ARFGEF2: variants seen among roughly 807,000 people sequenced by gnomAD.
ARFGEF2 encodes the protein brefeldin A-inhibited guanine nucleotide-exchange protein 2.
In ARFGEF2, 74 loss-of-function variants were observed where a neutral mutation model predicts 219.9. The observed-to-expected ratio is 0.34, with a 90% confidence interval of 0.28 to 0.41. The LOEUF is 0.41. Among genes scored for constraint, ARFGEF2 ranks in the 10% least tolerant of loss-of-function variants. The pLI, the probability that ARFGEF2 is intolerant of heterozygous loss-of-function variation, is 1.00. For synonymous variants in ARFGEF2, 733 were observed against 799.2 expected (o/e 0.92, Z 1.40); for missense variants, 1,743 against 2,218.3 (o/e 0.79, Z 4.30).
chr20:48,933,120 A>G (rs2090923310), intron 1 of ARFGEF2, among the ~76,000 whole-genome samples: 1 of 152,232 alleles, frequency 6.6e-6, no homozygotes, highest in African/African-American at 2.4e-5. Flanking sequence ...CCGCAAAGAC[A>G]GCGCGGCTTT....
intron 21 of ARFGEF2, among the ~76,000 whole-genome samples, chr20:48,991,770 A>G (rs1188169421): frequency 6.6e-5 from 10 of 152,204 alleles, no homozygotes; most frequent in Admixed American, 6.5e-4. Flanking sequence ...AGAGATTGCT[A>G]CTTTTTTTAA....
intron 36 of ARFGEF2, among the ~76,000 whole-genome samples, chr20:49,026,062 C>T (rs1373896240): frequency 5.9e-5 from 9 of 151,268 alleles, no homozygotes; most frequent in Non-Finnish European, 8.8e-5. Context: ...GGGCTGGGTG[C>T]GGTGGCTCAC....
intron 15 of ARFGEF2, 117 bp from the exon 16 acceptor site, chr20:48,985,291 C>T (rs1335201173): frequency 9.2e-7 from 1 of 1,089,262 alleles, no homozygotes; most frequent in Admixed American, 2.0e-5. Flanking sequence ...TTTTACCAGT[C>T]CAGCCTATTC....
intron 37 of ARFGEF2, among the ~76,000 whole-genome samples, chr20:49,029,037 ATTG>A (rs1178017660): frequency 6.6e-6 from 1 of 152,206 alleles, no homozygotes; most frequent in Non-Finnish European, 1.5e-5. Flanking sequence ...CCTCTTTAGA[ATTG>A]TTGTCAGCAA....
At chr20:48,955,946 T>G (rs1400930272) in intron 6 of ARFGEF2, among the ~76,000 whole-genome samples, 1 of 152,048 alleles carries the variant, frequency 6.6e-6, no homozygotes, top group Non-Finnish European at 1.5e-5. Context: ...TCTAAATAAA[T>G]AAACACCCCA....
chr20:48,938,525 G>T (rs2090974157), intron 1 of ARFGEF2, among the ~76,000 whole-genome samples: 1 of 151,994 alleles, frequency 6.6e-6, no homozygotes, highest in South Asian at 2.1e-4. Context: ...AGGGTAGCTG[G>T]GATATCCATC....
intron 31 of ARFGEF2, 136 bp from the exon 32 acceptor site, chr20:49,017,113 G>A (rs2091535445): frequency 1.2e-6 from 1 of 844,854 alleles, no homozygotes; most frequent in Admixed American, 2.3e-5. Flanking sequence ...AATACTGTCT[G>A]TAGCATGGCT....
At chr20:48,953,909 T>C in intron 6 of ARFGEF2, 119 bp downstream of exon 6, 5 of 1,025,812 alleles carry the variant, frequency 4.9e-6, no homozygotes, top group Non-Finnish European at 7.4e-6. Context: ...CTTATCTCTT[T>C]CTGGGCCTTT....
intron 1 of ARFGEF2, among the ~76,000 whole-genome samples, chr20:48,936,351 AC>A (rs1250358248): frequency 1.5e-5 from 2 of 130,486 alleles, no homozygotes; most frequent in Admixed American, 7.6e-5. Context: ...CGGGGGGCTG[AC>A]CCCCCCACCT....
At position 49,016,298 on chromosome 20, in the gene ARFGEF2, A is replaced by G; in HGVS notation, c.4198A>G (p.Thr1400Ala). The G allele has an allele frequency of 6.2e-7, 1 of 1,614,066 alleles. No homozygotes were observed. The highest frequency in any genetic ancestry group is 8.5e-7 in the Non-Finnish European group (1 of 1,179,974). ...TTCCCAGAAATCTGAGTGGATGACA[A>G]CAACCTGCAATCACGCACTTTATGC... ...QLSEKSEWMT[T>A]TCNHALYAIC... is the part of the protein sequence containing the mutation. The change falls in exon 31 of 39, where the codon ACA (threonine) becomes GCA (alanine). Residue 1400 changes from threonine to alanine, a missense_variant. Coordinates refer to ENST00000371917, the MANE Select transcript of ARFGEF2 (RefSeq NM_006420.3).
chr20:48,961,993 A>T (rs974421831), intron 6 of ARFGEF2, among the ~76,000 whole-genome samples: 4 of 151,768 alleles, frequency 2.6e-5, no homozygotes, highest in African/African-American at 9.7e-5. Flanking sequence ...AGCCTGACCA[A>T]CATGGAGAAA....
At chr20:48,938,972 TTTTG>T (rs1437603526) in intron 1 of ARFGEF2, among the ~76,000 whole-genome samples, 7 of 149,072 alleles carry the variant, frequency 4.7e-5, no homozygotes, top group Non-Finnish European at 7.4e-5. Context: ...TATGGGTTTT[TTTTG>T]TTTGTTTTTT....
intron 31 of ARFGEF2, among the ~76,000 whole-genome samples, chr20:49,016,648 T>G (rs1202525115): frequency 6.6e-6 from 1 of 152,204 alleles, no homozygotes; most frequent in Non-Finnish European, 1.5e-5. Context: ...AGATGTACCT[T>G]CATGTATTAT....
chr20:49,006,535 G>A (rs2091460403), intron 26 of ARFGEF2, among the ~76,000 whole-genome samples: 1 of 152,170 alleles, frequency 6.6e-6, no homozygotes, highest in African/African-American at 2.4e-5. Context: ...AAGGTAAGGG[G>A]ATAGGGATGG....
intron 14 of ARFGEF2, among the ~76,000 whole-genome samples, 154 bp from the exon 15 acceptor site, chr20:48,984,575 A>G (rs1432010830): frequency 6.6e-6 from 1 of 152,214 alleles, no homozygotes; most frequent in Non-Finnish European, 1.5e-5. Flanking sequence ...TTGAAGGTGG[A>G]ATTTAGAAAA....
intron 1 of ARFGEF2, among the ~76,000 whole-genome samples, chr20:48,935,940 G>C (rs867937638): frequency 1.7e-4 from 23 of 137,540 alleles, no homozygotes; most frequent in East Asian, 8.7e-4. Flanking sequence ...GGCTGGCCGG[G>C]GGGGGGGGCT....
intron 14 of ARFGEF2, among the ~76,000 whole-genome samples, chr20:48,979,222 A>G (rs904165657): frequency 1.3e-5 from 2 of 152,114 alleles, no homozygotes; most frequent in Non-Finnish European, 2.9e-5. Context: ...TTTTGCATCT[A>G]TTGAGATAAT....
At chr20:48,979,745 T>G (rs1364341783) in intron 14 of ARFGEF2, among the ~76,000 whole-genome samples, 1 of 152,214 alleles carries the variant, frequency 6.6e-6, no homozygotes, top group Non-Finnish European at 1.5e-5. Context: ...GCTTCTAGAT[T>G]TTCTAGTTTA....
intron 1 of ARFGEF2, among the ~76,000 whole-genome samples, chr20:48,926,903 A>G (rs1458924790): frequency 6.6e-6 from 1 of 152,168 alleles, no homozygotes; most frequent in Non-Finnish European, 1.5e-5. Context: ...AGATCATAAC[A>G]TCCATTCTTA....
Sources: gnomAD v4.1 joint callset for allele counts (sites outside exome capture counted in the v4.1 genomes callset) on GRCh38, gnomAD v4.1.1 for gene constraint, MANE v1.5 for transcripts, NCBI Gene and HGNC (gene_info 2026-07-23, HGNC 2026-07-21) for gene names.